The following TPP1 variants were observed in gnomAD, a reference collection of about 807,000 sequenced individuals.
TPP1 encodes tripeptidyl peptidase 1, also known as tripeptidyl-peptidase 1.
Under a neutral mutation model 67.6 loss-of-function variants are expected in TPP1, and 43 were observed. The ratio of observed to expected loss-of-function variants is 0.64; its 90% CI spans 0.50 to 0.82. The LOEUF (loss-of-function observed/expected upper bound fraction) is 0.82. Ranked by LOEUF, TPP1 falls within the 40% of genes least tolerant of loss-of-function variation. The pLI, the probability that TPP1 is intolerant of heterozygous loss-of-function variation, is 0.00. For missense variants in TPP1, 671 were observed against 710.9 expected, an observed-to-expected ratio of 0.94 and a Z score of 0.64; for synonymous variants, 272 against 281.5, an observed-to-expected ratio of 0.97 and a Z score of 0.34.
chr11:6,617,211 C>T (rs968176191), intron 5 of TPP1, 58 bp from the exon 6 acceptor site: 1 of 1,613,768 alleles, frequency 6.2e-7, no homozygotes, highest in Non-Finnish European at 8.5e-7. Context: ...CACCTTACAA[C>T]TCACCCCACC....
chr11:6,614,892 G>A lies in TPP1; in HGVS notation c.1525C>T (p.Gln509Ter), dbSNP rs1184563885. The change falls in exon 12 of 13, where the codon CAG becomes TAG. Residue 509 changes from glutamine to a stop codon, truncating the protein, a stop_gained. Transcript: ENST00000299427. LOFTEE classifies it high-confidence loss of function. ...PLGFLNPRLY[Q>*]QHGAGLFDVT... is the part of the protein sequence containing the mutation. Reference sequence around the variant, plus strand: ...TCAAAGAGTCCTGCCCCATGCTGCTGGTAGAGCCTTGGGTTGAGAAAGCCA... The same window carrying A: ...TCAAAGAGTCCTGCCCCATGCTGCTAGTAGAGCCTTGGGTTGAGAAAGCCA... 3.2e-5 allele frequency: 51 copies of A among 1,613,994 alleles called. No homozygotes were observed. The highest frequency in any genetic ancestry group is 4.2e-5 in the Non-Finnish European group (50 of 1,180,046).
chr11:6,614,875 T>A lies in TPP1; in HGVS notation c.1542A>T (p.Gly514=), dbSNP rs1128396. ...NPRLYQQHGA[G]LFDVTRGCHE... Reference sequence around the variant, plus strand: ...TCCCTTCCATACTTACATCAAAGAGTCCTGCCCCATGCTGCTGGTAGAGCC... The same window carrying A: ...TCCCTTCCATACTTACATCAAAGAGACCTGCCCCATGCTGCTGGTAGAGCC... Residue 514 remains glycine, a synonymous_variant, in exon 12 of 13, where the codon GGA becomes GGT. Coordinates refer to ENST00000299427, the MANE Select transcript of TPP1 (RefSeq NM_000391.4). The A allele has an allele frequency of 0.17, 280,468 of 1,613,522 alleles. 25,569 individuals are homozygous for A. The highest frequency in any genetic ancestry group is 0.34 in the East Asian group (15,378 of 44,846).
intron 10 of TPP1, 37 bp downstream of exon 10, chr11:6,615,405 A>C (rs1476801275): frequency 6.2e-7 from 1 of 1,613,950 alleles, no homozygotes; most frequent in Non-Finnish European, 8.5e-7. Flanking sequence ...CCCCATCCTC[A>C]CTCTTACCCT....
chr11:6,613,934 G>C lies in TPP1; in HGVS notation c.*612C>G, dbSNP rs922302845. 3 of 156,784 alleles carry C rather than the reference G, an allele frequency of 1.9e-5. No individual in the cohort carries two copies. Among genetic ancestry groups the C allele is most frequent in the Non-Finnish European group, 4.3e-5 (3 of 70,560 alleles). The allele number at this position is 156,784 out of a possible 1,614,324, so 9.7% of individuals were successfully genotyped here. On this transcript the variant is annotated 3_prime_UTR_variant, in exon 13 of 13. Transcript: ENST00000299427. ...GTAGATGTCAGTGATTTGTTCCAGG[G>C]GACAATGAGTAAACTGAGAAGAGCA... is the stretch of plus-strand genomic sequence containing the variant.
intron 7 of TPP1, 21 bp downstream of exon 7, chr11:6,616,640 G>C: frequency 2.5e-6 from 4 of 1,613,298 alleles, no homozygotes; most frequent in South Asian, 2.2e-5. Context: ...CTTCCCCACT[G>C]TCCAGTCCTC....
Position 6,618,776 on chromosome 11 carries a change from C to T in TPP1, c.229G>A (p.Gly77Arg), listed in dbSNP as rs121908195. Residue 77 changes from glycine (G) to arginine (R), a missense_variant and splice_region_variant, in exon 3 of 13, where the codon GGA becomes AGA. Physicochemically the swap from Gly to Arg is moderately radical, Grantham distance 125 (BLOSUM62 -2). Coordinates refer to ENST00000299427, the MANE Select transcript of TPP1 (RefSeq NM_000391.4). ...AVSDPSSPQY[G>R]KYLTLENVAD... ...TCCTGTCCTCAGTCCCAAAAGGCACCGTATTGAGGAGAGCTGGGATCCGAC... is the reference window on the plus strand; with the variant it reads ...TCCTGTCCTCAGTCCCAAAAGGCACTGTATTGAGGAGAGCTGGGATCCGAC... 3 of 1,613,598 alleles carry T rather than the reference C, an allele frequency of 1.9e-6. No homozygotes were observed. Among genetic ancestry groups the T allele is most frequent in the African/African-American group, 2.7e-5 (2 of 74,886 alleles).
Position 6,617,025 on chromosome 11 carries a change from A to AGG in TPP1, c.635_636dup (p.Ser213ProfsTer46). 1 of 1,614,082 alleles carries AGG rather than the reference A, an allele frequency of 6.2e-7. No homozygotes were observed. The highest frequency in any genetic ancestry group is 8.5e-7 in the Non-Finnish European group (1 of 1,179,994). On this transcript the variant is annotated frameshift_variant, in exon 6 of 13. Coordinates refer to ENST00000299427, the MANE Select transcript of TPP1 (RefSeq NM_000391.4). LOFTEE classifies it high-confidence loss of function. Reference sequence around the variant, plus strand: ...CTGGTGCCAGAGCCCACGTCTTGTGAGGTCAAGTTGTATCGCTTACGGATC... The same window carrying AGG: ...CTGGTGCCAGAGCCCACGTCTTGTGAGGGGTCAAGTTGTATCGCTTACGGATC...
At chr11:6,616,608 A>T (rs755718229) in intron 7 of TPP1, 53 bp downstream of exon 7, 3 of 1,609,012 alleles carry the variant, frequency 1.9e-6, no homozygotes, top group Non-Finnish European at 2.5e-6. Flanking sequence ...GGGAGCAGGG[A>T]TCAACACCCA....
intron 3 of TPP1, chr11:6,618,143 A>G (rs1564855971): frequency 5.5e-6 from 2 of 364,570 alleles, no homozygotes; most frequent in Admixed American, 4.2e-5. Flanking sequence ...GTTTAGCTCA[A>G]ATTTGCATAC....
chr11:6,619,092 G>A lies in TPP1; in HGVS notation c.89+104C>T, dbSNP rs1855630161. 6.7e-6 allele frequency: 10 copies of A among 1,490,286 alleles called. No homozygotes were observed. In the South Asian group the frequency reaches 1.0e-4, roughly 16 times the overall value. 92.3% of individuals were successfully genotyped at this position (1,490,286 alleles called of 1,614,324 possible). ...AGGAACATAGAGATGAAGCTATGGA[G>A]TGCGTACTAGGAGCTGGCACGGGGG... On this transcript the variant is annotated intron_variant, in intron 2 of 12. Transcript: ENST00000299427.
At position 6,616,877 on chromosome 11, in the gene TPP1, G is replaced by A. The variant is rs376868997; in HGVS notation, c.688-18C>T. The stretch of plus-strand genomic sequence containing the variant: ...TCCAGGAACTATGGAGGGAGTCAGA[G>A]CAGAGATCGTGGGTCCGAGGGTGAG... On this transcript the variant is annotated intron_variant, in intron 6 of 12. Coordinates refer to ENST00000299427, the MANE Select transcript of TPP1 (RefSeq NM_000391.4). 5.5e-4 allele frequency: 887 copies of A among 1,613,938 alleles called. 1 individual carries two copies. The highest frequency in any genetic ancestry group is 7.1e-4 in the Non-Finnish European group (834 of 1,180,016).
At position 6,618,959 on chromosome 11, in the gene TPP1, G is replaced by A. The variant is rs147191379; in HGVS notation, c.90-44C>T. 6.0e-4 allele frequency: 965 copies of A among 1,607,988 alleles called. 4 individuals are homozygous for A. The African/African-American group carries it at 0.011, about 18-fold the overall frequency. ...GGGACATGGCTTTGGTTAGGGTGGAGATGGAAAATATTGGTCATGGAAGGT... is the reference window on the plus strand; with the variant it reads ...GGGACATGGCTTTGGTTAGGGTGGAAATGGAAAATATTGGTCATGGAAGGT... On this transcript the variant is annotated intron_variant, in intron 2 of 12. Transcript: ENST00000299427.
chr11:6,618,834 A>G lies in TPP1; in HGVS notation c.171T>C (p.Asn57=), dbSNP rs1855625241. The part of the protein sequence containing the change: ...LSLTFALRQQ[N]VERLSELVQA... Reference sequence around the variant, plus strand: ...GCACCAGCTCCGAGAGTCTTTCCACATTCTGCTGTCTCAGGGCAAAGGTGA... The same window carrying G: ...GCACCAGCTCCGAGAGTCTTTCCACGTTCTGCTGTCTCAGGGCAAAGGTGA... Residue 57 remains asparagine, a synonymous_variant, in exon 3 of 13, where the codon AAT becomes AAC. Transcript: ENST00000299427. 1.9e-6 allele frequency: 3 copies of G among 1,613,950 alleles called. No homozygotes were observed. The highest frequency in any genetic ancestry group is 2.5e-6 in the Non-Finnish European group (3 of 1,180,022).
chr11:6,617,056 G>A lies in TPP1; in HGVS notation c.606C>T (p.Pro202=), dbSNP rs768687217. Residue 202 remains proline, a synonymous_variant, in exon 6 of 13, where the codon CCC becomes CCT. Transcript: ENST00000299427. The part of the protein sequence containing the change: ...GTVGLHLGVT[P]SVIRKRYNLT... ...AGTTGTATCGCTTACGGATCACAGA[G>A]GGGGTTACCCCCAGATGCAGGCCTA... 1.4e-5 allele frequency: 22 copies of A among 1,614,024 alleles called. 1 individual carries two copies. The highest frequency in any genetic ancestry group is 6.6e-5 in the South Asian group (6 of 91,086).
rs1285234351 is a variant in TPP1, at chr11:6,617,656, T to A, written c.350A>T (p.Gln117Leu). 6.2e-7 allele frequency: 1 copy of A among 1,614,216 alleles called. No homozygotes were observed. Among genetic ancestry groups the A allele is most frequent in the South Asian group, 1.1e-5 (1 of 91,082 alleles). ...GAQKCHSVIT[Q>L]DFLTCWLSIR... ...GCTCAGCCAGCAAGTCAGAAAGTCCTGTGTGATCACAGAATGGCACTTCTG... is the reference window on the plus strand; with the variant it reads ...GCTCAGCCAGCAAGTCAGAAAGTCCAGTGTGATCACAGAATGGCACTTCTG... Residue 117 changes from glutamine (Q) to leucine (L), a missense_variant, in exon 4 of 13, where the codon CAG (glutamine) becomes CTG (leucine). Physicochemically the swap from Gln to Leu is moderately radical, Grantham distance 113. Transcript: ENST00000299427.
rs370920825 is a variant in TPP1 at position 6,617,307 on chromosome 11, C to A, written c.502G>T (p.Asp168Tyr). ...TTCACCCCATAGGTGTTACCAAAGTCCACATGGGGGGCCAAGGCCTGTGGA... is the reference window on the plus strand; with the variant it reads ...TTCACCCCATAGGTGTTACCAAAGTACACATGGGGGGCCAAGGCCTGTGGA... The part of the protein sequence containing the change: ...QLPQALAPHV[D>Y]FVGGLHRFPP... The change falls in exon 5 of 13, where the codon GAC becomes TAC. Residue 168 changes from aspartate to tyrosine, a missense_variant. Coordinates refer to ENST00000299427, the MANE Select transcript of TPP1 (RefSeq NM_000391.4). 6.2e-7 allele frequency: 1 copy of A among 1,614,074 alleles called. No individual in the cohort carries two copies. Among genetic ancestry groups the A allele is most frequent in the Non-Finnish European group, 8.5e-7 (1 of 1,180,010 alleles).
At position 6,615,171 on chromosome 11, in the gene TPP1, C is replaced by T. The variant is rs779333902; in HGVS notation, c.1425G>A (p.Ser475=). 1.9e-5 allele frequency: 30 copies of T among 1,613,940 alleles called. No homozygotes were observed. Among genetic ancestry groups the T allele is most frequent in the East Asian group, 1.6e-4 (7 of 44,876 alleles). ...RVPIPWVSGT[S]ASTPVFGGIL... ...AGTTTGGAGATGGGCTGATTCTCAC[C>T]GAGGTTCCGGACACCCATGGAATGG... is the stretch of plus-strand genomic sequence containing the variant. The change falls in exon 11 of 13, where the codon TCG becomes TCA. Residue 475 remains serine (S), a splice_region_variant and synonymous_variant. Coordinates refer to ENST00000299427, the MANE Select transcript of TPP1 (RefSeq NM_000391.4).
Position 6,614,407 on chromosome 11 carries a change from G to C in TPP1, c.*139C>G. The C allele has an allele frequency of 8.3e-7, 1 of 1,207,056 alleles. No individual in the cohort carries two copies. 74.8% of individuals were successfully genotyped at this position (1,207,056 alleles called of 1,614,324 possible). ...GGTTGGGAGTCAAGTCAAGCTCACA[G>C]CATTTCAGGGTTAGGGAGATAAGCT... is the stretch of plus-strand genomic sequence containing the variant. On this transcript the variant is annotated 3_prime_UTR_variant, in exon 13 of 13. Transcript: ENST00000299427.
At chr11:6,616,940 G>A in intron 6 of TPP1, 35 bp downstream of exon 6, 3 of 1,614,102 alleles carry the variant, frequency 1.9e-6, no homozygotes, top group Non-Finnish European at 2.5e-6. Context: ...CTGTGGGGAG[G>A]CTATGAGGAC....
Sources: allele counts gnomAD v4.1 joint callset, GRCh38; gene constraint gnomAD v4.1.1; transcripts MANE v1.5; gene names NCBI Gene and HGNC (gene_info 2026-07-23, HGNC 2026-07-21).